Variants in AKAP11 observed in about 807,000 individuals in gnomAD.
The protein encoded by AKAP11 is A-kinase anchor protein 11.
A neutral mutation model predicts 146.1 loss-of-function variants in AKAP11; 36 were observed. The ratio of observed to expected loss-of-function variants is 0.25; its 90% CI spans 0.19 to 0.33. The LOEUF (loss-of-function observed/expected upper bound fraction) is 0.33. AKAP11 is among the 10% of genes least tolerant of loss of function. The probability of loss-of-function intolerance (pLI) is 1.00; values close to 1 mark genes in which losing one functional copy is unlikely to be tolerated. For missense variants in AKAP11, 2,201 were observed against 2,197.0 expected, an observed-to-expected ratio of 1.00 and a Z score of -0.04; for synonymous variants, 780 against 786.5, an observed-to-expected ratio of 0.99 and a Z score of 0.14.
intron 1 of AKAP11, among the ~76,000 whole-genome samples, chr13:42,284,817 G>A (rs1372648708): frequency 1.3e-5 from 2 of 152,158 alleles, no homozygotes; most frequent in Non-Finnish European, 2.9e-5. Context: ...TGGATTCTGG[G>A]GTATCACCCT....
intron 10 of AKAP11, 136 bp from the exon 11 acceptor site, chr13:42,313,754 TTTAA>T (rs1960677085): frequency 3.0e-6 from 2 of 675,022 alleles, no homozygotes; most frequent in East Asian, 5.7e-5. Flanking sequence ...AGCTTCCTTT[TTTAA>T]TTGTCATTTC....
At chr13:42,289,776 T>G (rs1219925494) in intron 3 of AKAP11, among the ~76,000 whole-genome samples, 1 of 152,188 alleles carries the variant, frequency 6.6e-6, no homozygotes, top group East Asian at 1.9e-4. Context: ...ATTTCACATA[T>G]TTTTTCCTGT....
Position 42,285,985 on chromosome 13 carries a change from G to C in AKAP11, c.-99-1G>C, listed in dbSNP as rs1158838258. The C allele has an allele frequency of 6.4e-6, 1 of 155,340 alleles. No homozygotes were observed. The allele number at this position is 155,340 out of a possible 1,614,324, so 9.6% of individuals were successfully genotyped here. On this transcript the variant is annotated splice_acceptor_variant, in intron 1 of 12. Transcript: ENST00000025301. LOFTEE classifies it low-confidence loss of function (5UTR_SPLICE). ...TGTTTTTTAAAAAACTTGTTTTTCA[G>C]ATCTTTCTCTTTGACACTTTGCAAT...
chr13:42,312,947 A>G (rs1355848147), intron 9 of AKAP11, 100 bp from the exon 10 acceptor site: 19 of 923,844 alleles, frequency 2.1e-5, no homozygotes, highest in Non-Finnish European at 3.2e-5. Flanking sequence ...CAGCTTCAGA[A>G]CATCTGCAGT....
At position 42,319,367 on chromosome 13, in the gene AKAP11, G is replaced by A. The variant is rs1344687187; in HGVS notation, c.*139G>A. The A allele has an allele frequency of 1.4e-5, 16 of 1,123,002 alleles. No homozygotes were observed. Among genetic ancestry groups the A allele is most frequent in the Admixed American group, 2.8e-5 (1 of 35,448 alleles). 69.6% of individuals were successfully genotyped at this position (1,123,002 alleles called of 1,614,324 possible). On this transcript the variant is annotated 3_prime_UTR_variant, in exon 13 of 13. Coordinates refer to ENST00000025301, the MANE Select transcript of AKAP11 (RefSeq NM_016248.4). The stretch of plus-strand genomic sequence containing the variant: ...GGCAAGTAAATATAGCTTTCTGAGC[G>A]CTTTGTGTTATCACTCGGTGTATAT...
At chr13:42,316,298 A>G (rs1403837645) in intron 11 of AKAP11, among the ~76,000 whole-genome samples, 1 of 152,048 alleles carries the variant, frequency 6.6e-6, no homozygotes, top group Non-Finnish European at 1.5e-5. Context: ...CATTACTGGT[A>G]CATGTTGGCA....
Position 42,301,553 on chromosome 13 carries a change from A to T in AKAP11, c.2807A>T (p.Asp936Val). 6.2e-7 allele frequency: 1 copy of T among 1,614,154 alleles called. No homozygotes were observed. The change falls in exon 8 of 13, where the codon GAC becomes GTC. Residue 936 changes from aspartate (D) to valine (V), a missense_variant. Physicochemically the swap from Asp to Val is radical, Grantham distance 152. Around this residue, in one of 3 missense-constraint regions of AKAP11, gnomAD observed 1,867 missense variants for 1,833.5 expected, o/e 1.02. Coordinates refer to ENST00000025301, the MANE Select transcript of AKAP11 (RefSeq NM_016248.4). Reference protein sequence around the residue: ...LQCSEASSNKDMFADRLSKSI... With the variant: ...LQCSEASSNKVMFADRLSKSI... ...TGCAGTGAAGCTAGTAGCAATAAGG[A>T]CATGTTTGCTGACCGGTTATCTAAA...
intron 10 of AKAP11, among the ~76,000 whole-genome samples, chr13:42,313,344 T>C (rs1356229878): frequency 6.6e-6 from 1 of 152,232 alleles, no homozygotes; most frequent in Non-Finnish European, 1.5e-5. Context: ...TGTGTCACTG[T>C]TATGCATGTG....
At position 42,297,059 on chromosome 13, in the gene AKAP11, A is replaced by C. The variant is rs377075356; in HGVS notation, c.228A>C (p.Ala76=). 2 of 1,591,242 alleles carry C rather than the reference A, an allele frequency of 1.3e-6. No individual in the cohort carries two copies. Among genetic ancestry groups the C allele is most frequent in the Non-Finnish European group, 1.7e-6 (2 of 1,171,534 alleles). The change falls in exon 6 of 13, where the codon GCA becomes GCC. Residue 76 remains alanine, a synonymous_variant. Transcript: ENST00000025301. ...TTATTTTAAATCAGGATTTAGCTGC[A>C]GTTTCTTTGGAACTTCCAGATATTC... The part of the protein sequence containing the change: ...TDAAHIQDLA[A]VSLELPDILN...
At chr13:42,280,327 C>CT (rs1244775010) in intron 1 of AKAP11, among the ~76,000 whole-genome samples, 4 of 152,230 alleles carry the variant, frequency 2.6e-5, no homozygotes, top group African/African-American at 9.6e-5. Context: ...ATTTTTAACA[C>CT]TTGGCCATTT....
At chr13:42,279,613 A>C (rs1255697162) in intron 1 of AKAP11, among the ~76,000 whole-genome samples, 1 of 152,108 alleles carries the variant, frequency 6.6e-6, no homozygotes, top group East Asian at 1.9e-4. Context: ...AGTATATGGA[A>C]CATATTTGTA....
rs1253532961 is a variant in AKAP11, at chr13:42,300,067, A to G, written c.1321A>G (p.Arg441Gly). 1.2e-6 allele frequency: 2 copies of G among 1,613,942 alleles called. No individual in the cohort carries two copies. Among genetic ancestry groups the G allele is most frequent in the Non-Finnish European group, 1.7e-6 (2 of 1,179,822 alleles). Residue 441 changes from arginine (R) to glycine (G), a missense_variant, in exon 8 of 13, where the codon AGG becomes GGG. By Grantham distance (125) the Arg-to-Gly change is moderately radical. Coordinates refer to ENST00000025301, the MANE Select transcript of AKAP11 (RefSeq NM_016248.4). ...PDSPRPVKAS[R>G]EDSGLFSPIR... is the part of the protein sequence containing the mutation. ...TTCTCCTCGCCCAGTGAAGGCATCA[A>G]GGGAAGATAGTGGTTTATTTAGTCC...
chr13:42,319,736 T>C lies in AKAP11; in HGVS notation c.*508T>C, dbSNP rs1960996959. On this transcript the variant is annotated 3_prime_UTR_variant, in exon 13 of 13. Coordinates refer to ENST00000025301, the MANE Select transcript of AKAP11 (RefSeq NM_016248.4). The stretch of plus-strand genomic sequence containing the variant: ...TTCCTGTTTTTAAAAATCAGTTTCA[T>C]TTTCATATTTCATAGATCAGCTATT... The C allele has an allele frequency of 6.6e-6, 1 of 152,456 alleles. No individual in the cohort carries two copies. Among genetic ancestry groups the C allele is most frequent in the South Asian group, 2.1e-4 (1 of 4,842 alleles). The allele number at this position is 152,456 out of a possible 1,614,324, so 9.4% of individuals were successfully genotyped here.
chr13:42,322,600 G>T lies in AKAP11; in HGVS notation c.*3372G>T, dbSNP rs1195068365. 6.6e-6 allele frequency: 1 copy of T among 152,226 alleles called. No individual in the cohort carries two copies. Among genetic ancestry groups the T allele is most frequent in the Non-Finnish European group, 1.5e-5 (1 of 67,972 alleles). The allele number at this position is 152,226 out of a possible 1,614,324, so 9.4% of individuals were successfully genotyped here. A position where few individuals can be genotyped will look rare whatever the true frequency, so the allele number is the denominator to read the frequency against. Reference sequence around the variant, plus strand: ...TTGCATTTAAAAACCCTGTCCACCTGTCACCAGCACAAGAGAATTAGAGCT... The same window carrying T: ...TTGCATTTAAAAACCCTGTCCACCTTTCACCAGCACAAGAGAATTAGAGCT... On this transcript the variant is annotated 3_prime_UTR_variant, in exon 13 of 13. Coordinates refer to ENST00000025301, the MANE Select transcript of AKAP11 (RefSeq NM_016248.4).
chr13:42,286,162 G>C (rs1039889937), intron 2 of AKAP11, 127 bp downstream of exon 2: 4 of 389,160 alleles, frequency 1.0e-5, no homozygotes, highest in South Asian at 1.5e-4. Context: ...AAGTAAATTG[G>C]GGGGGGTGCT....
At chr13:42,303,908 A>ATAAATGTG (rs767407832) in intron 8 of AKAP11, 45 bp downstream of exon 8, 60 of 1,517,778 alleles carry the variant, frequency 4.0e-5, no homozygotes, top group Non-Finnish European at 5.3e-5. Flanking sequence ...AATTAAAAAG[A>ATAAATGTG]TAAATGTGAT....
chr13:42,287,617 T>C (rs1278982639), intron 3 of AKAP11, among the ~76,000 whole-genome samples: 1 of 149,030 alleles, frequency 6.7e-6, no homozygotes, highest in Non-Finnish European at 1.5e-5. Flanking sequence ...TCCATATGTT[T>C]TGAGGTAAAT....
intron 1 of AKAP11, among the ~76,000 whole-genome samples, chr13:42,274,914 A>G (rs1426150987): frequency 6.6e-6 from 1 of 152,178 alleles, no homozygotes; most frequent in Non-Finnish European, 1.5e-5. Context: ...AATGAGCCTC[A>G]TTTTCTTCAT....
At chr13:42,318,004 G>A (rs1225601477) in intron 12 of AKAP11, among the ~76,000 whole-genome samples, 1 of 152,182 alleles carries the variant, frequency 6.6e-6, no homozygotes, top group African/African-American at 2.4e-5. Context: ...CTCAAAGGTA[G>A]ATGCTATTAA....
Sources: allele counts gnomAD v4.1 joint callset (sites outside exome capture counted in the v4.1 genomes callset), GRCh38; gene constraint gnomAD v4.1.1; regional missense constraint gnomAD v4.1.1; transcripts MANE v1.5; gene names NCBI Gene and HGNC (gene_info 2026-07-23, HGNC 2026-07-21).